The following MARCHF6 variants were observed in gnomAD, a reference collection of about 807,000 sequenced individuals.
The protein encoded by MARCHF6 is E3 ubiquitin-protein ligase MARCHF6.
Under a neutral mutation model 133.7 loss-of-function variants are expected in MARCHF6, and 31 were observed. The observed-to-expected ratio is 0.23, with a 90% confidence interval of 0.17 to 0.31. The LOEUF (loss-of-function observed/expected upper bound fraction) is 0.31, where lower values mean the gene tolerates loss of function less well. Ranked by LOEUF, MARCHF6 falls within the 10% of genes least tolerant of loss-of-function variation. MARCHF6 has a pLI of 1.00. For synonymous variants in MARCHF6, 395 were observed against 402.5 expected, an observed-to-expected ratio of 0.98 and a Z score of 0.22; for missense variants, 723 against 1,121.6, an observed-to-expected ratio of 0.64 and a Z score of 5.08.
chr5:10,422,276 G>A (rs562663750), intron 22 of MARCHF6, among the ~76,000 whole-genome samples: 2 of 152,294 alleles, frequency 1.3e-5, no homozygotes, highest in South Asian at 4.1e-4. Flanking sequence ...AGGAGACTTA[G>A]CGTACTGATA....
At chr5:10,395,928 T>C (rs573204131) in intron 9 of MARCHF6, among the ~76,000 whole-genome samples, 1 of 152,328 alleles carries the variant, frequency 6.6e-6, no homozygotes, top group Admixed American at 6.5e-5. Flanking sequence ...TAGTCATGGT[T>C]TGATCACAGT....
At chr5:10,363,970 C>T (rs1034127424) in intron 1 of MARCHF6, among the ~76,000 whole-genome samples, 5 of 152,108 alleles carry the variant, frequency 3.3e-5, no homozygotes, top group African/African-American at 4.8e-5. Flanking sequence ...TAGGAAGTAT[C>T]CACTAATAGT....
chr5:10,360,249 A>G (rs998812773), intron 1 of MARCHF6, among the ~76,000 whole-genome samples: 2 of 145,370 alleles, frequency 1.4e-5, no homozygotes, highest in Non-Finnish European at 3.0e-5. Context: ...TCCCAGGTTC[A>G]AGCGATTCTC....
At chr5:10,389,814 C>G (rs906467772) in intron 5 of MARCHF6, among the ~76,000 whole-genome samples, 2 of 152,162 alleles carry the variant, frequency 1.3e-5, no homozygotes, top group Non-Finnish European at 2.9e-5. Flanking sequence ...TCTGGAGGAG[C>G]TTCTCCTCTT....
chr5:10,400,642 G>GTCC, intron 10 of MARCHF6, 142 bp from the exon 11 acceptor site: 1 of 659,302 alleles, frequency 1.5e-6, no homozygotes, highest in South Asian at 1.8e-5. Context: ...TACAGAGAAT[G>GTCC]TCCTAGGCAG....
At chr5:10,360,732 G>T (rs1222508009) in intron 1 of MARCHF6, among the ~76,000 whole-genome samples, 1 of 152,184 alleles carries the variant, frequency 6.6e-6, no homozygotes, top group Non-Finnish European at 1.5e-5. Flanking sequence ...TTTGATCCAG[G>T]TAGCTGGGTG....
intron 1 of MARCHF6, among the ~76,000 whole-genome samples, chr5:10,365,865 A>G (rs1278152284): frequency 6.6e-6 from 1 of 152,108 alleles, no homozygotes; most frequent in African/African-American, 2.4e-5. Context: ...GTTTTTACCT[A>G]GTTGGAAGTA....
At chr5:10,408,626 C>A (rs1051338955) in intron 17 of MARCHF6, among the ~76,000 whole-genome samples, 2 of 152,208 alleles carry the variant, frequency 1.3e-5, no homozygotes, top group Non-Finnish European at 2.9e-5. Flanking sequence ...GCAGCCTCAA[C>A]CTCCTGGGCT....
intron 19 of MARCHF6, among the ~76,000 whole-genome samples, chr5:10,413,843 A>T (rs978542013): frequency 1.3e-5 from 2 of 152,166 alleles, no homozygotes; most frequent in African/African-American, 4.8e-5. Flanking sequence ...ACACCTGGGG[A>T]TTATTACAAT....
chr5:10,433,665 C>G lies in MARCHF6; in HGVS notation c.2714C>G (p.Pro905Arg), dbSNP rs774440964. 3.4e-5 allele frequency: 55 copies of G among 1,614,068 alleles called. No individual in the cohort carries two copies. The highest frequency in any genetic ancestry group is 4.5e-5 in the Non-Finnish European group (53 of 1,180,002). ...SGKQGSSPPP[P>R]QSSQE is the part of the protein sequence containing the mutation. ...AAACAAGGCTCATCTCCACCACCTCCACAGTCATCCCAAGAATAAAGTAGT... is the reference window on the plus strand; with the variant it reads ...AAACAAGGCTCATCTCCACCACCTCGACAGTCATCCCAAGAATAAAGTAGT... Residue 905 changes from proline (P) to arginine (R), a missense_variant, in exon 26 of 26, where the codon CCA becomes CGA. This residue lies in a region of MARCHF6 where 492 missense variants were observed against 699.5 expected (regional missense o/e 0.70). Coordinates refer to ENST00000274140, the MANE Select transcript of MARCHF6 (RefSeq NM_005885.4).
At chr5:10,359,830 C>G (rs1735704306) in intron 1 of MARCHF6, among the ~76,000 whole-genome samples, 1 of 152,032 alleles carries the variant, frequency 6.6e-6, no homozygotes, top group African/African-American at 2.4e-5. Flanking sequence ...CATGGCGAAA[C>G]CCTGTCTCTA....
rs1737833625 is a variant in MARCHF6, at chr5:10,391,458, T to G, written c.577-84T>G. 8 of 569,492 alleles carry G rather than the reference T, an allele frequency of 1.4e-5. No homozygotes were observed. In the South Asian group the frequency reaches 2.0e-4, roughly 14 times the overall value. 35.3% of individuals were successfully genotyped at this position (569,492 alleles called of 1,614,324 possible). On this transcript the variant is annotated intron_variant, in intron 6 of 25. Coordinates refer to ENST00000274140, the MANE Select transcript of MARCHF6 (RefSeq NM_005885.4). Reference sequence around the variant, plus strand: ...TAGGTTTTTTTTTTTTTTTTTTTTTTTTTTTTAGCAGGAATAATGTGATTT... The same window carrying G: ...TAGGTTTTTTTTTTTTTTTTTTTTTGTTTTTTAGCAGGAATAATGTGATTT...
chr5:10,353,891 C>T lies in MARCHF6; in HGVS notation c.-8C>T, dbSNP rs111344445. 5.7e-4 allele frequency: 887 copies of T among 1,565,362 alleles called. 6 individuals are homozygous for T. The African/African-American group carries it at 0.011, about 19-fold the overall frequency. ...CGTGGCTGCGTCACCGCCGCCCCCC[C>T]AGACAAGATGGACACCGCGGAGGAA... On this transcript the variant is annotated 5_prime_UTR_variant, in exon 1 of 26. Coordinates refer to ENST00000274140, the MANE Select transcript of MARCHF6 (RefSeq NM_005885.4).
At chr5:10,395,669 A>C (rs963483198) in intron 9 of MARCHF6, among the ~76,000 whole-genome samples, 1 of 152,198 alleles carries the variant, frequency 6.6e-6, no homozygotes, top group Non-Finnish European at 1.5e-5. Context: ...GCTGGTTGGA[A>C]CATTAATTTA....
At chr5:10,356,997 A>G (rs191638717) in intron 1 of MARCHF6, among the ~76,000 whole-genome samples, 1 of 152,334 alleles carries the variant, frequency 6.6e-6, no homozygotes, top group Admixed American at 6.5e-5. Flanking sequence ...TTCTCATAAT[A>G]CAGGGATGGA....
At chr5:10,373,600 C>T (rs1433576003) in intron 1 of MARCHF6, among the ~76,000 whole-genome samples, 1 of 152,198 alleles carries the variant, frequency 6.6e-6, no homozygotes, top group Admixed American at 6.5e-5. Flanking sequence ...GCCAGCAGGA[C>T]TGTCTTTGCC....
chr5:10,394,798 A>ATT lies in MARCHF6; in HGVS notation c.861+13_861+14insTT. ...ACTAGTTTTTCTGGTAAGTAAAACT[A>ATT]ATTTTTTTTTTTTTTTTTTGAGACG... On this transcript the variant is annotated intron_variant, in intron 9 of 25. Transcript: ENST00000274140. 6.7e-7 allele frequency: 1 copy of ATT among 1,494,140 alleles called. No individual in the cohort carries two copies. The highest frequency in any genetic ancestry group is 1.2e-5 in the South Asian group (1 of 82,524). 92.6% of individuals were successfully genotyped at this position (1,494,140 alleles called of 1,614,324 possible). A position where few individuals can be genotyped will look rare whatever the true frequency, so the allele number is the denominator to read the frequency against.
At chr5:10,419,119 A>G (rs1739694103) in intron 22 of MARCHF6, among the ~76,000 whole-genome samples, 1 of 152,208 alleles carries the variant, frequency 6.6e-6, no homozygotes, top group African/African-American at 2.4e-5. Context: ...AGTAATACAA[A>G]GAAGTACAGA....
intron 15 of MARCHF6, among the ~76,000 whole-genome samples, chr5:10,404,321 G>A (rs1024223606): frequency 2.6e-5 from 4 of 152,158 alleles, no homozygotes; most frequent in Middle Eastern, 3.4e-3. Flanking sequence ...ACCCACCTTG[G>A]CCTCCCAAAG....
Sources: gnomAD v4.1 joint callset for allele counts (sites outside exome capture counted in the v4.1 genomes callset) on GRCh38, gnomAD v4.1.1 for gene constraint, gnomAD v4.1.1 regional missense constraint, MANE v1.5 for transcripts, NCBI Gene and HGNC (gene_info 2026-07-23, HGNC 2026-07-21) for gene names.